The following XPR1 variants were observed in gnomAD, a reference collection of about 807,000 sequenced individuals.
The protein encoded by XPR1 is solute carrier family 53 member 1.
XPR1 carries 28 observed loss-of-function variants against 87.5 expected under a neutral mutation model. The observed-to-expected ratio is 0.32, with a 90% CI of 0.24 to 0.44. The LOEUF (loss-of-function observed/expected upper bound fraction) is 0.44. XPR1 is among the 20% of genes least tolerant of loss of function. The pLI is 1.00. For synonymous variants in XPR1, 300 were observed against 306.1 expected (o/e 0.98, Z 0.21); for missense variants, 559 against 862.3 (o/e 0.65, Z 4.41).
At position 180,880,092 on chromosome 1, in the gene XPR1, T is replaced by C; in HGVS notation, c.1825T>C (p.Phe609Leu). 1 of 1,614,226 alleles carries C rather than the reference T, an allele frequency of 6.2e-7. No individual in the cohort carries two copies. The highest frequency in any genetic ancestry group is 8.5e-7 in the Non-Finnish European group (1 of 1,180,042). ...TTTGCTAAGGCGATTTGTGTGGAACTTCTTCCGCCTGGAGAATGAACATCT... is the reference window on the plus strand; with the variant it reads ...TTTGCTAAGGCGATTTGTGTGGAACCTCTTCCGCCTGGAGAATGAACATCT... ...LEVFRRFVWN[F>L]FRLENEHLNN... The change falls in exon 14 of 15, where the codon TTC becomes CTC. Residue 609 changes from phenylalanine to leucine, a missense_variant. Around this residue, in one of 7 missense-constraint regions of XPR1, gnomAD observed 264 missense variants for 377.2 expected, o/e 0.70. Coordinates refer to ENST00000367590, the MANE Select transcript of XPR1 (RefSeq NM_004736.4).
In XPR1 at chr1:180,799,946, G is replaced by A. The variant is rs1372998065; in HGVS notation, c.224-3442G>A. 1.4e-4 allele frequency among the ~76,000 whole-genome samples: 22 copies of A among 152,214 alleles called. 1 individual carries two copies. Among genetic ancestry groups the A allele is most frequent in the Admixed American group, 1.4e-3 (22 of 15,284 alleles). On this transcript the variant is annotated intron_variant, in intron 3 of 14. Coordinates refer to ENST00000367590, the MANE Select transcript of XPR1 (RefSeq NM_004736.4). ...TTGCGTAAACAAATGAGTTAAGAGA[G>A]GATGTGGTAGGTATCCTATCCCTTT... is the stretch of plus-strand genomic sequence containing the variant.
chr1:180,692,018 C>CT (rs1290507124), intron 2 of XPR1, among the ~76,000 whole-genome samples: 1 of 152,070 alleles, frequency 6.6e-6, no homozygotes, highest in Non-Finnish European at 1.5e-5. Flanking sequence ...CCAGTTTCCA[C>CT]TTTGTTATCC....
chr1:180,679,810 A>G (rs181077697), intron 1 of XPR1, among the ~76,000 whole-genome samples: 4 of 152,328 alleles, frequency 2.6e-5, no homozygotes, highest in South Asian at 4.1e-4. Flanking sequence ...TCACTGAAAA[A>G]TGCTTTAGGA....
chr1:180,835,700 A>T, intron 10 of XPR1, among the ~76,000 whole-genome samples: 1 of 152,222 alleles, frequency 6.6e-6, no homozygotes, highest in East Asian at 1.9e-4. Context: ...TTCAAGGAAA[A>T]GTTGATTTAC....
At position 180,801,192 on chromosome 1, in the gene XPR1, T is replaced by A. The variant is rs1449501339; in HGVS notation, c.224-2196T>A. On this transcript the variant is annotated intron_variant, in intron 3 of 14. Coordinates refer to ENST00000367590, the MANE Select transcript of XPR1 (RefSeq NM_004736.4). ...ATTGCAATCAGGGAACCCATCTCAA[T>A]AGATACATCTCTCATGGCCATTCCT... Among the ~76,000 whole-genome samples, 5 of 152,234 alleles carry A rather than the reference T, an allele frequency of 3.3e-5. No homozygotes were observed. The South Asian group carries it at 1.0e-3, about 31-fold the overall frequency.
At chr1:180,820,607 G>A (rs1029867122) in intron 7 of XPR1, among the ~76,000 whole-genome samples, 2 of 152,126 alleles carry the variant, frequency 1.3e-5, no homozygotes, top group South Asian at 4.1e-4. Flanking sequence ...GATTTGTTTA[G>A]TACCTGTTTA....
At chr1:180,839,432 T>C (rs141457412) in intron 11 of XPR1, among the ~76,000 whole-genome samples, 1 of 152,360 alleles carries the variant, frequency 6.6e-6, no homozygotes, top group African/African-American at 2.4e-5. Flanking sequence ...ATTGTTAATT[T>C]CAGTACACAT....
chr1:180,710,877 G>GC (rs1335073514), intron 2 of XPR1, among the ~76,000 whole-genome samples: 1 of 151,234 alleles, frequency 6.6e-6, no homozygotes, highest in Non-Finnish European at 1.5e-5. Context: ...GGTGGGGGCT[G>GC]CCCCCCACCT....
chr1:180,694,977 C>G (rs900897836), intron 2 of XPR1, among the ~76,000 whole-genome samples: 5 of 152,084 alleles, frequency 3.3e-5, no homozygotes, highest in African/African-American at 9.7e-5. Context: ...TCCAATCTGT[C>G]GTTCCCAGTG....
chr1:180,682,839 T>C (rs904925008), intron 2 of XPR1, among the ~76,000 whole-genome samples: 5 of 151,988 alleles, frequency 3.3e-5, no homozygotes, highest in Admixed American at 2.0e-4. Context: ...TGTGCGTGTG[T>C]GTGTGTGTGT....
At chr1:180,825,004 G>C in intron 8 of XPR1, 61 bp downstream of exon 8, 1 of 1,544,000 alleles carries the variant, frequency 6.5e-7, no homozygotes, top group Non-Finnish European at 8.7e-7. Context: ...ATAGCTATCT[G>C]GTTTAGTGGG....
At chr1:180,821,065 A>G (rs1260236748) in intron 7 of XPR1, among the ~76,000 whole-genome samples, 3 of 150,298 alleles carry the variant, frequency 2.0e-5, no homozygotes, top group Non-Finnish European at 4.4e-5. Context: ...ATGAAGTCTC[A>G]TTTATCTGTT....
intron 3 of XPR1, among the ~76,000 whole-genome samples, chr1:180,790,979 A>G (rs1050164004): frequency 3.3e-5 from 5 of 152,222 alleles, no homozygotes; most frequent in African/African-American, 9.7e-5. Flanking sequence ...GGAACCAGCA[A>G]TGTAGACAGA....
At chr1:180,636,340 T>C (rs1435487958) in intron 1 of XPR1, among the ~76,000 whole-genome samples, 1 of 152,220 alleles carries the variant, frequency 6.6e-6, no homozygotes, top group Non-Finnish European at 1.5e-5. Flanking sequence ...AATCAAAGTA[T>C]AGTATAGTGT....
At chr1:180,722,480 G>A (rs1028129272) in intron 2 of XPR1, among the ~76,000 whole-genome samples, 2 of 152,174 alleles carry the variant, frequency 1.3e-5, no homozygotes, top group Admixed American at 1.3e-4. Context: ...AAGACTAAGT[G>A]AAATTGTAGA....
Position 180,862,547 on chromosome 1 carries a change from C to G in XPR1, c.1502-1161C>G, listed in dbSNP as rs143252899. 1.8e-4 allele frequency among the ~76,000 whole-genome samples: 27 copies of G among 152,208 alleles called. No individual in the cohort carries two copies. In the East Asian group the frequency reaches 4.8e-3, roughly 27 times the overall value. On this transcript the variant is annotated intron_variant, in intron 11 of 14. Coordinates refer to ENST00000367590, the MANE Select transcript of XPR1 (RefSeq NM_004736.4). ...CTTACTTCCTACTGTTGGAAACATT[C>G]CCATTTGCCTTGGTGCTCTCATAGC...
rs1384073362 is a variant in XPR1 at position 180,824,039 on chromosome 1, T to C, written c.764-714T>C. On this transcript the variant is annotated intron_variant, in intron 7 of 14. Transcript: ENST00000367590. ...TCATGGCAACTCTGTGAGGTAGATA[T>C]TACTATATCCAGTTTAATAATGGAG... Among the ~76,000 whole-genome samples the C allele has an allele frequency of 2.0e-5, 3 of 152,226 alleles. 1 individual carries two copies. The highest frequency in any genetic ancestry group is 7.2e-5 in the African/African-American group (3 of 41,466).
At chr1:180,812,825 T>C (rs900424435) in intron 7 of XPR1, among the ~76,000 whole-genome samples, 4 of 152,058 alleles carry the variant, frequency 2.6e-5, no homozygotes, top group African/African-American at 9.7e-5. Context: ...ATTTTTTGTA[T>C]TTTTAGTAGA....
chr1:180,861,164 C>G (rs1052923957), intron 11 of XPR1, among the ~76,000 whole-genome samples: 2 of 152,080 alleles, frequency 1.3e-5, no homozygotes, highest in Admixed American at 6.6e-5. Context: ...TGTCCTTTTA[C>G]TAGCAGACAA....
Sources: gnomAD v4.1 joint callset for allele counts (sites outside exome capture counted in the v4.1 genomes callset) on GRCh38, gnomAD v4.1.1 for gene constraint, gnomAD v4.1.1 regional missense constraint, MANE v1.5 for transcripts, NCBI Gene and HGNC (gene_info 2026-07-23, HGNC 2026-07-21) for gene names.